SNTG1: variants seen among roughly 807,000 people sequenced by gnomAD.
SNTG1 encodes gamma-1-syntrophin.
SNTG1 carries 39 observed loss-of-function variants against 74.7 expected under a neutral mutation model. The observed-to-expected ratio is 0.52, with a 90% CI of 0.40 to 0.68. SNTG1 has a LOEUF of 0.68. Among genes scored for constraint, SNTG1 ranks in the 30% least tolerant of loss-of-function variants. SNTG1 has a pLI of 0.00. For missense variants in SNTG1, 685 were observed against 609.5 expected, an observed-to-expected ratio of 1.12 and a Z score of -1.30; for synonymous variants, 254 against 217.1, an observed-to-expected ratio of 1.17 and a Z score of -1.49.
intron 5 of SNTG1, among the ~76,000 whole-genome samples, chr8:50,445,690 T>C (rs574241087): frequency 2.0e-5 from 3 of 152,188 alleles, no homozygotes; most frequent in Non-Finnish European, 4.4e-5. Flanking sequence ...TAATCTTGTA[T>C]TTCTCCATAA....
intron 17 of SNTG1, among the ~76,000 whole-genome samples, chr8:50,729,985 G>A (rs2095509107): frequency 6.6e-6 from 1 of 152,076 alleles, no homozygotes; most frequent in South Asian, 2.1e-4. Context: ...GACCTGGAGG[G>A]AGCACCCCGT....
chr8:50,568,227 T>TTGTTTGTGTGTGTGTGTGTGTGTG (rs140888701), intron 12 of SNTG1, among the ~76,000 whole-genome samples: 1 of 146,282 alleles, frequency 6.8e-6, no homozygotes, highest in Non-Finnish European at 1.5e-5. Context: ...TTGTCCATGT[T>TTGTTTGTGTGTGTGTGTGTGTGTG]TGTGTGTGTG....
chr8:50,554,635 A>G (rs1261655431), intron 12 of SNTG1, among the ~76,000 whole-genome samples: 1 of 152,034 alleles, frequency 6.6e-6, no homozygotes, highest in Admixed American at 6.6e-5. Context: ...TGTTGTCACC[A>G]TATTAGAGTT....
At chr8:50,627,044 G>C (rs562990734) in intron 13 of SNTG1, among the ~76,000 whole-genome samples, 10 of 152,022 alleles carry the variant, frequency 6.6e-5, no homozygotes, top group Admixed American at 2.6e-4. Flanking sequence ...CGACTGCACA[G>C]CTTATTATTT....
chr8:50,667,646 GTTA>G (rs1429027365), intron 15 of SNTG1, among the ~76,000 whole-genome samples: 12 of 151,838 alleles, frequency 7.9e-5, no homozygotes, highest in African/African-American at 2.7e-4. Flanking sequence ...TATAAATTTG[GTTA>G]TTAAGTTTGC....
chr8:50,222,571 T>A (rs1395435129), intron 2 of SNTG1, among the ~76,000 whole-genome samples: 1 of 152,192 alleles, frequency 6.6e-6, no homozygotes, highest in Non-Finnish European at 1.5e-5. Context: ...TGCTACAGAA[T>A]ACTAGAACAT....
chr8:50,412,309 T>G (rs1281994909), intron 4 of SNTG1, among the ~76,000 whole-genome samples: 1 of 152,158 alleles, frequency 6.6e-6, no homozygotes, highest in Non-Finnish European at 1.5e-5. Flanking sequence ...TTTCTTACAT[T>G]TTGTACCTAT....
chr8:50,657,587 A>T (rs907958581), intron 14 of SNTG1, among the ~76,000 whole-genome samples: 19 of 152,270 alleles, frequency 1.2e-4, no homozygotes, highest in African/African-American at 4.3e-4. Context: ...TATTAAGTCT[A>T]TCTCACCCTA....
intron 18 of SNTG1, chr8:50,762,517 C>T: frequency 2.7e-6 from 1 of 372,372 alleles, no homozygotes; most frequent in Non-Finnish European, 5.3e-6. Flanking sequence ...GATAAGCTAT[C>T]AAGTCTGCCC....
chr8:50,742,240 T>A (rs2095545157), intron 17 of SNTG1, among the ~76,000 whole-genome samples: 1 of 151,996 alleles, frequency 6.6e-6, no homozygotes, highest in Admixed American at 6.6e-5. Context: ...GAAGGGCACA[T>A]GGGACATTCT....
intron 1 of SNTG1, among the ~76,000 whole-genome samples, chr8:50,169,123 T>C (rs1032873335): frequency 1.3e-5 from 2 of 152,108 alleles, no homozygotes; most frequent in African/African-American, 4.8e-5. Flanking sequence ...ATCTTTGTCA[T>C]TTGTGGTTGA....
intron 9 of SNTG1, among the ~76,000 whole-genome samples, chr8:50,515,221 C>A (rs2094121096): frequency 6.6e-6 from 1 of 151,674 alleles, no homozygotes; most frequent in Non-Finnish European, 1.5e-5. Context: ...ACAAGACACA[C>A]AAATTATTTG....
At chr8:50,224,569 G>T (rs1241508214) in intron 2 of SNTG1, among the ~76,000 whole-genome samples, 1 of 152,138 alleles carries the variant, frequency 6.6e-6, no homozygotes, top group African/African-American at 2.4e-5. Context: ...CCTGAATGCA[G>T]TTGTAAACCA....
intron 18 of SNTG1, among the ~76,000 whole-genome samples, chr8:50,754,495 C>T (rs1479841257): frequency 6.6e-6 from 1 of 151,760 alleles, no homozygotes; most frequent in Non-Finnish European, 1.5e-5. Flanking sequence ...GTTATATCCT[C>T]TTTGTTGAGA....
At chr8:49,955,164 A>T (rs143434424) in intron 1 of SNTG1, among the ~76,000 whole-genome samples, 1 of 152,378 alleles carries the variant, frequency 6.6e-6, no homozygotes, top group East Asian at 1.9e-4. Context: ...AAGACCAAAG[A>T]CCAAAGACTT....
chr8:50,404,552 T>C (rs2092846450), intron 4 of SNTG1, among the ~76,000 whole-genome samples: 1 of 151,964 alleles, frequency 6.6e-6, no homozygotes, highest in Non-Finnish European at 1.5e-5. Context: ...AATGCTGTAA[T>C]AAATTCAGGC....
At chr8:50,214,283 A>G (rs1458576423) in intron 2 of SNTG1, among the ~76,000 whole-genome samples, 4 of 147,684 alleles carry the variant, frequency 2.7e-5, no homozygotes, top group Non-Finnish European at 1.5e-5. Flanking sequence ...GGGGAGGGAT[A>G]ACATTAGGAG....
At chr8:50,208,831 C>T (rs866624935) in intron 2 of SNTG1, among the ~76,000 whole-genome samples, 25 of 152,228 alleles carry the variant, frequency 1.6e-4, no homozygotes, top group Middle Eastern at 3.4e-3. Context: ...CCAGCGTGAG[C>T]GAAGCAGAAG....
intron 13 of SNTG1, among the ~76,000 whole-genome samples, chr8:50,628,073 C>A (rs1349456805): frequency 5.9e-5 from 9 of 152,136 alleles, no homozygotes; most frequent in Non-Finnish European, 1.0e-4. Context: ...CTACCAGCCA[C>A]CAGTCATCTC....
Sources: allele counts gnomAD v4.1 joint callset (sites outside exome capture counted in the v4.1 genomes callset), GRCh38; gene constraint gnomAD v4.1.1; transcripts MANE v1.5; gene names NCBI Gene and HGNC (gene_info 2026-07-23, HGNC 2026-07-21).